Variants in PHACTR3 observed in about 807,000 individuals in gnomAD.
PHACTR3 encodes the protein phosphatase and actin regulator 3.
Under a neutral mutation model 66.8 loss-of-function variants are expected in PHACTR3, and 16 were observed. The observed-to-expected ratio is 0.24, with a 90% CI of 0.16 to 0.36. The LOEUF is 0.36. Ranked by LOEUF, PHACTR3 falls within the 10% of genes least tolerant of loss-of-function variation. PHACTR3 has a pLI of 1.00. For missense variants in PHACTR3, 647 were observed against 719.9 expected, an observed-to-expected ratio of 0.90 and a Z score of 1.16; for synonymous variants, 323 against 292.1, an observed-to-expected ratio of 1.11 and a Z score of -1.08.
At chr20:59,619,611 C>G (rs1336419180) in intron 1 of PHACTR3, among the ~76,000 whole-genome samples, 1 of 152,104 alleles carries the variant, frequency 6.6e-6, no homozygotes, top group Non-Finnish European at 1.5e-5. Flanking sequence ...TTTGAGACCC[C>G]AAGCAGAGGA....
At chr20:59,665,987 GT>G (rs755345590) in intron 1 of PHACTR3, among the ~76,000 whole-genome samples, 1 of 152,188 alleles carries the variant, frequency 6.6e-6, no homozygotes, top group Non-Finnish European at 1.5e-5. Context: ...GGCACTAGTG[GT>G]TTGAGTGAGG....
chr20:59,755,472 TC>T, intron 4 of PHACTR3, 108 bp downstream of exon 4: 1 of 1,273,878 alleles, frequency 7.9e-7, no homozygotes, highest in Non-Finnish European at 1.1e-6. Context: ...AACATTGTTC[TC>T]CAGAGAGCTG....
chr20:59,805,871 T>G (rs2041550870), intron 7 of PHACTR3, among the ~76,000 whole-genome samples, 170 bp from the exon 8 acceptor site: 1 of 152,214 alleles, frequency 6.6e-6, no homozygotes, highest in Admixed American at 6.5e-5. Context: ...ACTGTTCCAC[T>G]GGAAAGTGCC....
At chr20:59,780,064 C>A (rs1423304366) in intron 7 of PHACTR3, among the ~76,000 whole-genome samples, 1 of 152,176 alleles carries the variant, frequency 6.6e-6, no homozygotes, top group African/African-American at 2.4e-5. Context: ...AGTAGAAACA[C>A]GTGATGAGGG....
At chr20:59,668,973 C>T (rs1302141166) in intron 1 of PHACTR3, among the ~76,000 whole-genome samples, 1 of 151,514 alleles carries the variant, frequency 6.6e-6, no homozygotes, top group Non-Finnish European at 1.5e-5. Flanking sequence ...GTCTTGAACT[C>T]CTGACCTTAA....
intron 1 of PHACTR3, among the ~76,000 whole-genome samples, chr20:59,654,879 AATTC>A (rs1403724013): frequency 3.9e-5 from 6 of 151,916 alleles, no homozygotes; most frequent in African/African-American, 1.4e-4. Context: ...ATATTTTAGA[AATTC>A]ATTCAGTGTG....
At chr20:59,806,531 G>C (rs1461591991) in intron 8 of PHACTR3, among the ~76,000 whole-genome samples, 3 of 152,258 alleles carry the variant, frequency 2.0e-5, no homozygotes, top group Non-Finnish European at 4.4e-5. Flanking sequence ...GGGCCAAACT[G>C]ATGAGGACAT....
chr20:59,791,883 TA>T, intron 7 of PHACTR3, among the ~76,000 whole-genome samples: 1 of 152,276 alleles, frequency 6.6e-6, no homozygotes, highest in South Asian at 2.1e-4. Context: ...GCCCCAGTGC[TA>T]CTGGTTTCTT....
At chr20:59,708,690 T>C (rs1012650121) in intron 1 of PHACTR3, among the ~76,000 whole-genome samples, 2 of 152,170 alleles carry the variant, frequency 1.3e-5, no homozygotes, top group African/African-American at 2.4e-5. Flanking sequence ...TTGTCTAGGA[T>C]CTTTGGGTGA....
chr20:59,825,834 T>A (rs373761141), intron 8 of PHACTR3, among the ~76,000 whole-genome samples: 10 of 152,090 alleles, frequency 6.6e-5, no homozygotes, highest in African/African-American at 2.4e-4. Flanking sequence ...TCACCCCCAG[T>A]ATGATGGTGG....
intron 8 of PHACTR3, among the ~76,000 whole-genome samples, chr20:59,831,528 C>T (rs1047423568): frequency 2.0e-5 from 3 of 152,172 alleles, no homozygotes; most frequent in African/African-American, 4.8e-5. Flanking sequence ...GGCACCAGGA[C>T]GTCACCAGCA....
chr20:59,744,929 A>G (rs1034499121), intron 2 of PHACTR3, among the ~76,000 whole-genome samples: 5 of 152,134 alleles, frequency 3.3e-5, no homozygotes, highest in Admixed American at 6.5e-5. Flanking sequence ...CCCTCACTGG[A>G]TGCTAGGCTC....
At chr20:59,768,378 C>T (rs1286109440) in intron 5 of PHACTR3, among the ~76,000 whole-genome samples, 2 of 152,198 alleles carry the variant, frequency 1.3e-5, no homozygotes, top group Admixed American at 6.5e-5. Context: ...GATTAACCAC[C>T]ATCAATAATT....
chr20:59,768,268 CTT>C (rs2040248922), intron 5 of PHACTR3, among the ~76,000 whole-genome samples: 1 of 152,234 alleles, frequency 6.6e-6, no homozygotes, highest in Non-Finnish European at 1.5e-5. Context: ...GAGATAATGA[CTT>C]TTCAGAGTAA....
intron 1 of PHACTR3, among the ~76,000 whole-genome samples, chr20:59,684,447 C>T (rs1343002176): frequency 1.3e-5 from 2 of 152,108 alleles, no homozygotes; most frequent in African/African-American, 4.8e-5. Flanking sequence ...CTTTGCAGAA[C>T]CTTCTCTTTG....
Position 59,579,604 on chromosome 20 carries a change from C to T in PHACTR3, c.109+1987C>T, listed in dbSNP as rs555094166. On this transcript the variant is annotated intron_variant, in intron 1 of 12. Transcript: ENST00000359926. ...CCCTAGGGGTTCTACATGTGCAACC[C>T]GAGGCCAATGGCAGGTTCTAGGCTG... Among the ~76,000 whole-genome samples, 5 of 152,286 alleles carry T rather than the reference C, an allele frequency of 3.3e-5. No homozygotes were observed. In the South Asian group the frequency reaches 6.2e-4, roughly 19 times the overall value.
At chr20:59,724,784 C>T (rs1458739307) in intron 1 of PHACTR3, among the ~76,000 whole-genome samples, 1 of 152,214 alleles carries the variant, frequency 6.6e-6, no homozygotes, top group East Asian at 1.9e-4. Context: ...TGCTTACCTG[C>T]ATTTTCATGA....
chr20:59,694,459 G>A (rs1165786725), intron 1 of PHACTR3, among the ~76,000 whole-genome samples: 1 of 151,904 alleles, frequency 6.6e-6, no homozygotes, highest in African/African-American at 2.4e-5. Flanking sequence ...AGGAAGGCAG[G>A]AAGGGAGTGA....
At chr20:59,730,010 G>A (rs989765231) in intron 1 of PHACTR3, among the ~76,000 whole-genome samples, 8 of 152,158 alleles carry the variant, frequency 5.3e-5, no homozygotes, top group Non-Finnish European at 1.2e-4. Context: ...TAGGGACTGT[G>A]CACTTGAGCA....
Sources: gnomAD v4.1 joint callset for allele counts (sites outside exome capture counted in the v4.1 genomes callset) on GRCh38, gnomAD v4.1.1 for gene constraint, MANE v1.5 for transcripts, NCBI Gene and HGNC (gene_info 2026-07-23, HGNC 2026-07-21) for gene names.